CNTN3: variants seen among roughly 807,000 people sequenced by gnomAD.
CNTN3 encodes the protein contactin-3.
In CNTN3, 60 loss-of-function variants were observed where a neutral mutation model predicts 119.1. The observed-to-expected ratio is 0.50, with a 90% CI of 0.41 to 0.62. CNTN3 has a LOEUF of 0.62. CNTN3 is among the 20% of genes least tolerant of loss of function. CNTN3 has a pLI of 0.00. For missense variants in CNTN3, 1,101 were observed against 1,242.4 expected (o/e 0.89, Z 1.71); for synonymous variants, 450 against 438.7 (o/e 1.03, Z -0.32).
chr3:74,418,145 T>C (rs933719776), intron 5 of CNTN3, among the ~76,000 whole-genome samples: 2 of 152,082 alleles, frequency 1.3e-5, no homozygotes, highest in African/African-American at 4.8e-5. Context: ...TCTACACACA[T>C]TGACCTCTGA....
chr3:74,495,332 A>T (rs1445744513), intron 3 of CNTN3, among the ~76,000 whole-genome samples: 1 of 152,112 alleles, frequency 6.6e-6, no homozygotes, highest in Non-Finnish European at 1.5e-5. Flanking sequence ...TGTAAAGGAC[A>T]AATTGCATAT....
chr3:74,601,209 A>G (rs1466944316), intron 1 of CNTN3, among the ~76,000 whole-genome samples: 1 of 151,992 alleles, frequency 6.6e-6, no homozygotes, highest in Non-Finnish European at 1.5e-5. Context: ...CTTACAATAG[A>G]TTTATACAGT....
chr3:74,528,168 G>T (rs185602174), intron 1 of CNTN3, among the ~76,000 whole-genome samples: 14 of 151,824 alleles, frequency 9.2e-5, no homozygotes, highest in African/African-American at 3.4e-4. Context: ...ATTATAAAGG[G>T]TATGTAGATT....
In CNTN3 at chr3:74,565,718, C is replaced by T. The variant is rs761378207; in HGVS notation, c.-80-44526G>A. On this transcript the variant is annotated intron_variant, in intron 1 of 22. Transcript: ENST00000263665. ...TCAACCTTGGTGAGCCTGTGCCCTG[C>T]CAAAATGTGATGATAATTGTAAAGG... Among the ~76,000 whole-genome samples, 12 of 151,892 alleles carry T rather than the reference C, an allele frequency of 7.9e-5. 1 individual carries two copies. Among genetic ancestry groups the T allele is most frequent in the South Asian group, 4.2e-4 (2 of 4,818 alleles).
rs1704081550 is a variant in CNTN3 at position 74,361,912 on chromosome 3, C to T, written c.1342G>A (p.Val448Met). The T allele has an allele frequency of 1.2e-6, 2 of 1,613,142 alleles. 1 individual carries two copies. Among genetic ancestry groups the T allele is most frequent in the South Asian group, 2.2e-5 (2 of 90,966 alleles). ...TACCTTTCATGCTCCTGCACGCTCA[C>T]ATCCCCCTTCTTCCAGGAAGAGAGT... Reference protein sequence around the residue: ...RALSSWKKGDVSVQEHERISL... With the variant: ...RALSSWKKGDMSVQEHERISL... Residue 448 changes from valine to methionine, a missense_variant, in exon 11 of 23, where the codon GTG (valine) becomes ATG (methionine). Val to Met is a conservative substitution (Grantham distance 21). Coordinates refer to ENST00000263665, the MANE Select transcript of CNTN3 (RefSeq NM_020872.3).
chr3:74,539,850 CTTTA>C, intron 1 of CNTN3, among the ~76,000 whole-genome samples: 1 of 152,218 alleles, frequency 6.6e-6, no homozygotes, highest in South Asian at 2.1e-4. Context: ...AACGTACAGG[CTTTA>C]TTTCCCATTT....
chr3:74,613,935 G>GAA (rs773198138), intron 1 of CNTN3, among the ~76,000 whole-genome samples: 19 of 152,198 alleles, frequency 1.2e-4, no homozygotes, highest in Non-Finnish European at 2.6e-4. Flanking sequence ...GATCGCTAAT[G>GAA]AAAGAATCGG....
chr3:74,363,521 C>A (rs1704121555), intron 10 of CNTN3, among the ~76,000 whole-genome samples: 1 of 152,104 alleles, frequency 6.6e-6, no homozygotes. Context: ...GGTTGAGAAA[C>A]ACTGACTTAA....
chr3:74,480,130 T>G (rs1702737180), intron 4 of CNTN3, among the ~76,000 whole-genome samples: 1 of 152,104 alleles, frequency 6.6e-6, no homozygotes, highest in Non-Finnish European at 1.5e-5. Flanking sequence ...TGGCCTAAGC[T>G]GATGCTTATT....
At chr3:74,606,597 T>C (rs1704996884) in intron 1 of CNTN3, among the ~76,000 whole-genome samples, 1 of 151,862 alleles carries the variant, frequency 6.6e-6, no homozygotes, top group African/African-American at 2.4e-5. Context: ...CTCAGAAAAA[T>C]GCCCTAACTC....
chr3:74,501,230 A>AT (rs1039259483), intron 2 of CNTN3, among the ~76,000 whole-genome samples: 1 of 151,962 alleles, frequency 6.6e-6, no homozygotes, highest in Non-Finnish European at 1.5e-5. Context: ...AGGGTGAGAA[A>AT]TTTGGGTCAC....
intron 1 of CNTN3, among the ~76,000 whole-genome samples, chr3:74,557,844 T>C (rs1183694973): frequency 1.3e-5 from 2 of 152,110 alleles, no homozygotes; most frequent in Non-Finnish European, 2.9e-5. Context: ...TAGAGTATTT[T>C]GTCCTATTAG....
At chr3:74,299,098 T>C (rs1702402125) in intron 17 of CNTN3, among the ~76,000 whole-genome samples, 1 of 151,892 alleles carries the variant, frequency 6.6e-6, no homozygotes, top group Non-Finnish European at 1.5e-5. Context: ...TTCTAGCTAT[T>C]TGGGGAGGTT....
chr3:74,400,375 G>T (rs9824031), intron 5 of CNTN3, among the ~76,000 whole-genome samples: 2,153 of 152,296 alleles, frequency 0.014, 43 homozygotes, highest in African/African-American at 0.049. Context: ...CACCGTCCCA[G>T]TTGGGGTCGT....
chr3:74,264,063 C>A lies in CNTN3; in HGVS notation c.*338G>T. On this transcript the variant is annotated 3_prime_UTR_variant, in exon 23 of 23. Coordinates refer to ENST00000263665, the MANE Select transcript of CNTN3 (RefSeq NM_020872.3). ...ATTTGAATTAAATGAAAGAGTTTTTCAATGTAAAAAGAAATTCTCATGCGT... is the reference window on the plus strand; with the variant it reads ...ATTTGAATTAAATGAAAGAGTTTTTAAATGTAAAAAGAAATTCTCATGCGT... The A allele has an allele frequency of 5.9e-6, 1 of 169,306 alleles. No homozygotes were observed. The allele number at this position is 169,306 out of a possible 1,614,324, so 10.5% of individuals were successfully genotyped here.
At chr3:74,529,276 G>A (rs898067014) in intron 1 of CNTN3, among the ~76,000 whole-genome samples, 11 of 151,880 alleles carry the variant, frequency 7.2e-5, no homozygotes, top group East Asian at 2.0e-4. Flanking sequence ...GAAAAGTAAT[G>A]TATCTTCCAC....
At chr3:74,481,658 T>C (rs1702764936) in intron 4 of CNTN3, among the ~76,000 whole-genome samples, 1 of 151,552 alleles carries the variant, frequency 6.6e-6, no homozygotes, top group Non-Finnish European at 1.5e-5. Context: ...GAATAAAGTA[T>C]AGAAAAGAAT....
chr3:74,518,742 C>T (rs1369496304), intron 2 of CNTN3, among the ~76,000 whole-genome samples: 1 of 151,876 alleles, frequency 6.6e-6, no homozygotes, highest in Non-Finnish European at 1.5e-5. Context: ...AAGACTAGTA[C>T]AGAAATTCAT....
chr3:74,330,630 T>A (rs899750176), intron 13 of CNTN3, among the ~76,000 whole-genome samples: 1 of 152,132 alleles, frequency 6.6e-6, no homozygotes, highest in African/African-American at 2.4e-5. Flanking sequence ...AAGTTAACTA[T>A]AAAAGAGTCT....
Sources: gnomAD v4.1 joint callset for allele counts (sites outside exome capture counted in the v4.1 genomes callset) on GRCh38, gnomAD v4.1.1 for gene constraint, MANE v1.5 for transcripts, NCBI Gene and HGNC (gene_info 2026-07-23, HGNC 2026-07-21) for gene names.